Variants in DMD observed in about 807,000 individuals in gnomAD.
DMD encodes mutant dystrophin.
DMD carries 63 observed loss-of-function variants against 330.1 expected under a neutral mutation model. The ratio of observed to expected loss-of-function variants is 0.19; its 90% CI spans 0.16 to 0.24. The LOEUF (loss-of-function observed/expected upper bound fraction) is 0.24, where lower values mean the gene tolerates loss of function less well. Ranked by LOEUF, DMD falls within the 10% of genes least tolerant of loss-of-function variation. The probability of loss-of-function intolerance (pLI) is 1.00; values close to 1 mark genes in which losing one functional copy is unlikely to be tolerated. For synonymous variants in DMD, 1,223 were observed against 959.8 expected, an observed-to-expected ratio of 1.27 and a Z score of -5.07; for missense variants, 3,344 against 2,684.1, an observed-to-expected ratio of 1.25 and a Z score of -5.43.
chrX:31,169,334 G>T (rs780956652), intron 74 of DMD, 109 bp downstream of exon 74: 1 of 582,988 alleles, frequency 1.7e-6, no homozygotes, highest in Non-Finnish European at 2.8e-6. Flanking sequence ...GATTATTTTA[G>T]AAAACAATTA....
intron 1 of DMD, among the ~76,000 whole-genome samples, chrX:33,073,171 TG>T (rs1487085529): frequency 1.3e-4 from 15 of 111,760 alleles, no homozygotes; most frequent in Admixed American, 1.0e-3. Flanking sequence ...TGGTGCAAGG[TG>T]GTTTAATATG....
intron 1 of DMD, among the ~76,000 whole-genome samples, chrX:33,123,651 C>T (rs1468589510): frequency 9.3e-6 from 1 of 107,425 alleles, no homozygotes; most frequent in African/African-American, 3.4e-5. Flanking sequence ...CTCCTGACCT[C>T]AAGTGATCTG....
intron 45 of DMD, 99 bp from the exon 46 acceptor site, chrX:31,932,326 A>C: frequency 3.1e-6 from 2 of 639,748 alleles, no homozygotes; most frequent in Non-Finnish European, 4.9e-6. Context: ...ATTTAAAAAT[A>C]AGCAATTTAA....
chrX:32,112,463 G>A (rs950838570), intron 44 of DMD, among the ~76,000 whole-genome samples: 2 of 111,674 alleles, frequency 1.8e-5, no homozygotes, highest in Non-Finnish European at 3.8e-5. Context: ...AAGTAGCAGC[G>A]GGAAGGTCAT....
chrX:31,126,286 AT>A (rs1204525269), intron 78 of DMD, among the ~76,000 whole-genome samples: 1 of 112,220 alleles, frequency 8.9e-6, no homozygotes, highest in African/African-American at 3.2e-5. Flanking sequence ...AGAAAGCTTT[AT>A]GACTCATCAG....
intron 60 of DMD, among the ~76,000 whole-genome samples, chrX:31,438,488 T>C (rs545472287): frequency 1.4e-4 from 16 of 111,988 alleles, no homozygotes; most frequent in African/African-American, 4.8e-4. Context: ...AATTTGATGC[T>C]TGTTAAAATT....
Position 32,346,354 on chromosome X carries a change from A to T in DMD, c.5449-274T>A, listed in dbSNP as rs186591303. 1.2e-3 allele frequency among the ~76,000 whole-genome samples: 134 copies of T among 111,377 alleles called. No homozygotes were observed. The highest frequency in any genetic ancestry group is 9.8e-4 in the Non-Finnish European group (52 of 52,911). ...GTGTGGTACTTCATCATGTCAGACA[A>T]GTCATGAATTACTGTGAAAGTATTC... On this transcript the variant is annotated intron_variant, in intron 38 of 78. Transcript: ENST00000357033.
At chrX:32,729,771 T>C (rs1741898455) in intron 7 of DMD, among the ~76,000 whole-genome samples, 2 of 111,824 alleles carry the variant, frequency 1.8e-5, no homozygotes, top group African/African-American at 6.5e-5. Flanking sequence ...TAATTAAATA[T>C]GTGTGTTATT....
chrX:33,171,412 C>T (rs957729325), intron 1 of DMD, among the ~76,000 whole-genome samples: 3 of 111,392 alleles, frequency 2.7e-5, no homozygotes, highest in African/African-American at 9.8e-5. Context: ...CCTACATTTA[C>T]TGAGAACTCT....
chrX:32,413,905 G>A (rs12688759), intron 29 of DMD, among the ~76,000 whole-genome samples: 2 of 109,005 alleles, frequency 1.8e-5, no homozygotes, highest in African/African-American at 6.7e-5. Context: ...ATTTTTAGTA[G>A]AGACAGGGTT....
At chrX:32,864,946 A>T (rs1450007943) in intron 2 of DMD, among the ~76,000 whole-genome samples, 1 of 112,080 alleles carries the variant, frequency 8.9e-6, no homozygotes, top group Non-Finnish European at 1.9e-5. Context: ...ATTTCTTAAG[A>T]TCCACTGAAA....
At chrX:31,499,489 C>CTTTTTTTTTTTTTTTTTTT in intron 56 of DMD, among the ~76,000 whole-genome samples, 1 of 83,664 alleles carries the variant, frequency 1.2e-5, no homozygotes, top group African/African-American at 4.6e-5. Flanking sequence ...GAATTCAGTT[C>CTTTTTTTTTTTTTTTTTTT]TTTTTTTTTT....
At chrX:31,433,052 C>T (rs1460637779) in intron 60 of DMD, among the ~76,000 whole-genome samples, 2 of 111,847 alleles carry the variant, frequency 1.8e-5, no homozygotes, top group Non-Finnish European at 3.8e-5. Context: ...CCTTGTCCCA[C>T]ACCCTCCTGC....
chrX:33,149,201 T>C (rs1309288177), intron 1 of DMD, among the ~76,000 whole-genome samples: 1 of 111,416 alleles, frequency 9.0e-6, no homozygotes, highest in Non-Finnish European at 1.9e-5. Flanking sequence ...CTTTCTTTCC[T>C]GCAACTAGAC....
At chrX:32,514,237 A>G (rs1345401997) in intron 18 of DMD, among the ~76,000 whole-genome samples, 2 of 55,784 alleles carry the variant, frequency 3.6e-5, no homozygotes, top group East Asian at 9.1e-4. Context: ...GGCAGGTGGA[A>G]AAAAAAAAAA....
intron 69 of DMD, among the ~76,000 whole-genome samples, 200 bp downstream of exon 69, chrX:31,180,170 T>C (rs2041006958): frequency 9.0e-6 from 1 of 111,590 alleles, no homozygotes; most frequent in African/African-American, 3.3e-5. Context: ...TGAGGGTCTA[T>C]CATGTTCCAT....
rs1025477885 is a variant in DMD at position 31,231,798 on chromosome X, G to A, written c.9287-8677C>T. Among the ~76,000 whole-genome samples the A allele has an allele frequency of 7.1e-5, 8 of 111,951 alleles. No individual in the cohort carries two copies. In the East Asian group the frequency reaches 1.4e-3, roughly 20 times the overall value. The stretch of plus-strand genomic sequence containing the variant: ...CCTGGGAGGCTGAGGCAGGAGAATC[G>A]CTTGAACCTGGGAGGTGGAGGCTGC... On this transcript the variant is annotated intron_variant, in intron 63 of 78. Transcript: ENST00000357033.
chrX:32,559,953 T>A lies in DMD; in HGVS notation c.1992+5749A>T, dbSNP rs183110695. Reference sequence around the variant, plus strand: ...GGCACAAACATATACAGCATAAACATGAACTGCCATGTACAAGAAGAGGCA... The same window carrying A: ...GGCACAAACATATACAGCATAAACAAGAACTGCCATGTACAAGAAGAGGCA... On this transcript the variant is annotated intron_variant, in intron 16 of 78. Coordinates refer to ENST00000357033, the MANE Select transcript of DMD (RefSeq NM_004006.3). Among the ~76,000 whole-genome samples the A allele has an allele frequency of 3.7e-4, 41 of 111,213 alleles. 1 individual carries two copies. The Admixed American group carries it at 3.7e-3, about 10-fold the overall frequency.
At chrX:31,555,371 T>C (rs1480480769) in intron 55 of DMD, among the ~76,000 whole-genome samples, 5 of 111,796 alleles carry the variant, frequency 4.5e-5, no homozygotes, top group African/African-American at 1.3e-4. Flanking sequence ...TAGTGAGGGA[T>C]AGAAGGACCA....
Sources: gnomAD v4.1 joint callset for allele counts (sites outside exome capture counted in the v4.1 genomes callset) on GRCh38, gnomAD v4.1.1 for gene constraint, MANE v1.5 for transcripts, NCBI Gene and HGNC (gene_info 2026-07-23, HGNC 2026-07-21) for gene names.